Variants in TRPC7 observed in about 807,000 individuals in gnomAD.
The protein encoded by TRPC7 is short transient receptor potential channel 7.
TRPC7 carries 42 observed loss-of-function variants against 90.1 expected under a neutral mutation model. The observed-to-expected ratio is 0.47, with a 90% CI of 0.36 to 0.60. TRPC7 has a LOEUF of 0.60. Ranked by LOEUF, TRPC7 falls within the 20% of genes least tolerant of loss-of-function variation. The probability of loss-of-function intolerance (pLI) is 0.00; values close to 1 mark genes in which losing one functional copy is unlikely to be tolerated. For missense variants in TRPC7, 955 were observed against 1,112.3 expected, an observed-to-expected ratio of 0.86 and a Z score of 2.01; for synonymous variants, 451 against 436.3, an observed-to-expected ratio of 1.03 and a Z score of -0.42.
Position 136,225,352 on chromosome 5 carries a change from C to A in TRPC7, c.2265G>T (p.Lys755Asn), listed in dbSNP as rs376414404. The A allele has an allele frequency of 1.9e-6, 3 of 1,612,014 alleles. No homozygotes were observed. The highest frequency in any genetic ancestry group is 2.5e-6 in the Non-Finnish European group (3 of 1,179,322). ...EMGMLNSKFK[K>N]TRYQAGMRNS... The stretch of plus-strand genomic sequence containing the variant: ...TCCTCATGCCAGCCTGGTAGCGAGT[C>A]TTCTGGATAAAACAAACAAACCCAC... Residue 755 changes from lysine (K) to asparagine (N), a missense_variant and splice_region_variant, in exon 10 of 12, where the codon AAG (lysine) becomes AAT (asparagine). Around this residue, in one of 4 missense-constraint regions of TRPC7, gnomAD observed 296 missense variants for 422.7 expected, o/e 0.70. Coordinates refer to ENST00000513104, the MANE Select transcript of TRPC7 (RefSeq NM_020389.3).
intron 2 of TRPC7, among the ~76,000 whole-genome samples, chr5:136,344,629 T>G (rs1257846956): frequency 6.6e-6 from 1 of 152,196 alleles, no homozygotes; most frequent in Non-Finnish European, 1.5e-5. Context: ...TCAAATCTCC[T>G]GAGAGAGTGT....
intron 2 of TRPC7, among the ~76,000 whole-genome samples, chr5:136,331,317 C>T (rs1759493831): frequency 6.6e-6 from 1 of 152,144 alleles, no homozygotes; most frequent in Non-Finnish European, 1.5e-5. Context: ...CTCAAGTATA[C>T]ATTCATTTAC....
At chr5:136,220,390 G>C (rs1178584929) in intron 10 of TRPC7, among the ~76,000 whole-genome samples, 1 of 152,168 alleles carries the variant, frequency 6.6e-6, no homozygotes, top group East Asian at 1.9e-4. Context: ...CCCTGGGAAA[G>C]GAATGCATTC....
At chr5:136,284,703 C>A (rs1311031298) in intron 3 of TRPC7, among the ~76,000 whole-genome samples, 2 of 152,136 alleles carry the variant, frequency 1.3e-5, no homozygotes, top group African/African-American at 4.8e-5. Flanking sequence ...AGAAGAGGCA[C>A]CCAGCCCAAG....
At chr5:136,305,887 T>C (rs1758605809) in intron 3 of TRPC7, among the ~76,000 whole-genome samples, 1 of 152,138 alleles carries the variant, frequency 6.6e-6, no homozygotes, top group South Asian at 2.1e-4. Context: ...GACTGGACAA[T>C]ACTTTTACCA....
intron 9 of TRPC7, among the ~76,000 whole-genome samples, chr5:136,225,567 G>A (rs1755600120): frequency 6.7e-6 from 1 of 149,946 alleles, no homozygotes; most frequent in African/African-American, 2.5e-5. Flanking sequence ...AGAATATTTA[G>A]TCAACTTGGT....
At chr5:136,321,605 G>C (rs963774220) in intron 2 of TRPC7, among the ~76,000 whole-genome samples, 2 of 152,046 alleles carry the variant, frequency 1.3e-5, no homozygotes, top group African/African-American at 2.4e-5. Flanking sequence ...ATAAAAATAA[G>C]CATGTAAATG....
intron 3 of TRPC7, 142 bp from the exon 4 acceptor site, chr5:136,274,979 G>A: frequency 1.1e-6 from 1 of 900,718 alleles, no homozygotes; most frequent in Non-Finnish European, 1.6e-6. Flanking sequence ...AGTGGGTGGG[G>A]ATGAGGCGTA....
chr5:136,343,480 G>A (rs536771055), intron 2 of TRPC7, among the ~76,000 whole-genome samples: 11 of 152,286 alleles, frequency 7.2e-5, no homozygotes, highest in African/African-American at 2.6e-4. Flanking sequence ...CTTGGGGGAA[G>A]GAATACTACA....
chr5:136,265,758 C>T (rs372673912), intron 5 of TRPC7, among the ~76,000 whole-genome samples: 49 of 152,178 alleles, frequency 3.2e-4, no homozygotes, highest in African/African-American at 1.1e-3. Context: ...GAAAATGTTA[C>T]TCCCGTGAAT....
rs201108086 is a variant in TRPC7 at position 136,234,987 on chromosome 5, T to TA, written c.1845-3439dup. ...TGAATGGAATTGAAGAGTTAAATGT[T>TA]AAAAAAAAAATTCATGGTAAAAACA... On this transcript the variant is annotated intron_variant, in intron 7 of 11. Transcript: ENST00000513104. Among the ~76,000 whole-genome samples, 363 of 150,398 alleles carry TA rather than the reference T, an allele frequency of 2.4e-3. 3 individuals are homozygous for TA. The highest frequency in any genetic ancestry group is 0.015 in the East Asian group (76 of 5,158).
chr5:136,338,720 CT>C (rs1759746697), intron 2 of TRPC7, among the ~76,000 whole-genome samples: 1 of 152,086 alleles, frequency 6.6e-6, no homozygotes, highest in Non-Finnish European at 1.5e-5. Context: ...GATTTTTTCA[CT>C]TTTCAATCAA....
In TRPC7 at chr5:136,220,683, C is replaced by T. The variant is rs147334270; in HGVS notation, c.2344-4408G>A. ...CTTGTGATCTTTGCTTTGCCCTTTG[C>T]CTTGTGATCTTTATTGGCCTCAGAG... On this transcript the variant is annotated intron_variant, in intron 10 of 11. Transcript: ENST00000513104. Among the ~76,000 whole-genome samples, 139 of 151,756 alleles carry T rather than the reference C, an allele frequency of 9.2e-4. 1 individual carries two copies. The East Asian group carries it at 0.022, about 24-fold the overall frequency.
At chr5:136,236,254 T>TCTGTTTGC (rs1264711448) in intron 7 of TRPC7, among the ~76,000 whole-genome samples, 18 of 152,260 alleles carry the variant, frequency 1.2e-4, no homozygotes, top group Admixed American at 1.0e-3. Context: ...GCAGGGAGGC[T>TCTGTTTGC]CTGTTTGCCT....
chr5:136,347,399 G>T (rs920125233), intron 2 of TRPC7, among the ~76,000 whole-genome samples: 3 of 152,076 alleles, frequency 2.0e-5, no homozygotes, highest in Non-Finnish European at 4.4e-5. Context: ...GAAGGAGAAG[G>T]GGAGGTCTAC....
Position 136,251,798 on chromosome 5 carries a change from C to T in TRPC7, c.1430G>A (p.Gly477Glu), listed in dbSNP as rs765349144. ...VLHLWNLLDF[G>E]MLSIFVASFT... is the part of the protein sequence containing the mutation. Reference sequence around the variant, plus strand: ...GGAGGCCACGAAGATGGACAGCATCCCGAAATCTAGCAGGTTCCACAAGTG... The same window carrying T: ...GGAGGCCACGAAGATGGACAGCATCTCGAAATCTAGCAGGTTCCACAAGTG... The change falls in exon 6 of 12, where the codon GGG becomes GAG. Residue 477 changes from glycine (G) to glutamate (E), a missense_variant. Coordinates refer to ENST00000513104, the MANE Select transcript of TRPC7 (RefSeq NM_020389.3). The T allele has an allele frequency of 1.2e-6, 2 of 1,613,826 alleles. No homozygotes were observed. The highest frequency in any genetic ancestry group is 1.7e-6 in the Non-Finnish European group (2 of 1,179,882).
At chr5:136,308,832 C>T (rs577425093) in intron 3 of TRPC7, among the ~76,000 whole-genome samples, 39 of 152,180 alleles carry the variant, frequency 2.6e-4, no homozygotes, top group Non-Finnish European at 5.4e-4. Flanking sequence ...ATTTTATGTC[C>T]CATATCAGCA....
At chr5:136,310,905 C>T (rs1758805710) in intron 3 of TRPC7, among the ~76,000 whole-genome samples, 2 of 152,106 alleles carry the variant, frequency 1.3e-5, no homozygotes, top group South Asian at 4.1e-4. Flanking sequence ...GTGGTTAACA[C>T]AATTTGTCAG....
rs181846655 is a variant in TRPC7 at position 136,339,488 on chromosome 5, A to G, written c.780+17120T>C. On this transcript the variant is annotated intron_variant, in intron 2 of 11. Coordinates refer to ENST00000513104, the MANE Select transcript of TRPC7 (RefSeq NM_020389.3). ...CTGGAGGTTATTTGTAAATTCCCCA[A>G]TTGGTCCTATAGATAACATCACTAT... Among the ~76,000 whole-genome samples the G allele has an allele frequency of 4.6e-5, 7 of 152,296 alleles. No homozygotes were observed. The East Asian group carries it at 5.8e-4, about 13-fold the overall frequency.
Sources: gnomAD v4.1 joint callset for allele counts (sites outside exome capture counted in the v4.1 genomes callset) on GRCh38, gnomAD v4.1.1 for gene constraint, gnomAD v4.1.1 regional missense constraint, MANE v1.5 for transcripts, NCBI Gene and HGNC (gene_info 2026-07-23, HGNC 2026-07-21) for gene names.